Variants in TRIM10 observed in about 807,000 individuals in gnomAD.
TRIM10 encodes the protein tripartite motif containing 10.
In TRIM10, 42 loss-of-function variants were observed where a neutral mutation model predicts 40.0. The observed-to-expected ratio is 1.05, with a 90% confidence interval of 0.82 to 1.36. The LOEUF is 1.36. Ranked by LOEUF, TRIM10 falls within the 40% of genes most tolerant of loss-of-function variation. The pLI is 0.00. For synonymous variants in TRIM10, 260 were observed against 239.5 expected (o/e 1.09, Z -0.79); for missense variants, 601 against 608.3 (o/e 0.99, Z 0.13).
chr6:30,162,401 T>A (rs1581586573), upstream of TRIM10, among the ~76,000 whole-genome samples: 1 of 133,098 alleles, frequency 7.5e-6, no homozygotes, highest in East Asian at 1.9e-4. Context: ...AGTAGACACA[T>A]GTGGCTGGTG....
chr6:30,152,360 T>C lies in TRIM10; in HGVS notation c.*1609A>G, dbSNP rs1425833618. ...AATAAACAAAAATAGGATCTACTTT[T>C]CTGGAATCACAGGTTTGGGTGCTTT... is the stretch of plus-strand genomic sequence containing the variant. On this transcript the variant is annotated 3_prime_UTR_variant, in exon 7 of 7. Transcript: ENST00000449742. The C allele has an allele frequency of 6.6e-6, 1 of 152,272 alleles. No individual in the cohort carries two copies. Among genetic ancestry groups the C allele is most frequent in the Non-Finnish European group, 1.5e-5 (1 of 68,056 alleles). The allele number at this position is 152,272 out of a possible 1,614,324, so 9.4% of individuals were successfully genotyped here.
chr6:30,162,797 T>C (rs1362993770), upstream of TRIM10, among the ~76,000 whole-genome samples: 1 of 152,134 alleles, frequency 6.6e-6, no homozygotes, highest in Admixed American at 6.5e-5. Context: ...GTTATTAAAA[T>C]TGAATGTAGT....
At chr6:30,156,207 C>T (rs1277727123) in intron 5 of TRIM10, among the ~76,000 whole-genome samples, 1 of 152,108 alleles carries the variant, frequency 6.6e-6, no homozygotes, top group Non-Finnish European at 1.5e-5. Flanking sequence ...AAAGGTCAGC[C>T]TTTGATTAGA....
chr6:30,154,533 C>T (rs1177057666), intron 6 of TRIM10, 47 bp from the exon 7 acceptor site: 2 of 1,594,224 alleles, frequency 1.3e-6, no homozygotes, highest in Non-Finnish European at 8.5e-7. Context: ...CATGCTATTA[C>T]CTCCAAGGAA....
At chr6:30,161,425 TGGCCTGCTGCAGGCCTCAAAAGA>T (rs1315533388), upstream of TRIM10, among the ~76,000 whole-genome samples, 1 of 152,198 alleles carries the variant, frequency 6.6e-6, no homozygotes, top group African/African-American at 2.4e-5. Context: ...ATGCCTCAAC[TGGCCTGCTGCAGGCCTCAAAAGA>T]GGCTGGAATA....
chr6:30,154,256 C>T lies in TRIM10; in HGVS notation c.1159G>A (p.Asp387Asn). The T allele has an allele frequency of 6.2e-7, 1 of 1,613,064 alleles. No individual in the cohort carries two copies. The highest frequency in any genetic ancestry group is 1.1e-5 in the South Asian group (1 of 91,072). Residue 387 changes from aspartate (D) to asparagine (N), a missense_variant, in exon 7 of 7, where the codon GAT becomes AAT. By Grantham distance (23) the Asp-to-Asn change is conservative (BLOSUM62 1). Coordinates refer to ENST00000449742, the MANE Select transcript of TRIM10 (RefSeq NM_006778.4). ...CGAAGCTCCCCCTTCCGCTGCACAT[C>T]CTCGCTCACCACGCCCACGGTGCAG... is the stretch of plus-strand genomic sequence containing the variant. ...GSCTVGVVSE[D>N]VQRKGELRLR... is the part of the protein sequence containing the mutation.
Position 30,158,422 on chromosome 6 carries a change from T to C in TRIM10, c.733A>G (p.Arg245Gly). Residue 245 changes from arginine (R) to glycine (G), a missense_variant, in exon 3 of 7, where the codon AGG (arginine) becomes GGG (glycine). Transcript: ENST00000449742. Reference protein sequence around the residue: ...LIEELEEKNERPARELLTDIR... With the variant: ...LIEELEEKNEGPARELLTDIR... The stretch of plus-strand genomic sequence containing the variant: ...ACCGTCAGGAGCTCCCTTGCTGGCC[T>C]CTCATTCTTCTCCTCCAGTTCTTCA... The C allele has an allele frequency of 4.3e-6, 7 of 1,612,990 alleles. No homozygotes were observed. The highest frequency in any genetic ancestry group is 5.9e-6 in the Non-Finnish European group (7 of 1,179,994).
chr6:30,163,177 C>T (rs1773271985), upstream of TRIM10: 2 of 159,204 alleles, frequency 1.3e-5, no homozygotes, highest in South Asian at 3.7e-4. Context: ...CAGAATCTCC[C>T]GAAGTCCACA....
intron 5 of TRIM10, among the ~76,000 whole-genome samples, chr6:30,156,010 C>T (rs1372611176): frequency 1.3e-5 from 2 of 152,196 alleles, no homozygotes; most frequent in East Asian, 1.9e-4. Context: ...CTGGGCAATG[C>T]AGCTGCTGCT....
chr6:30,156,635 A>C (rs185731050), intron 5 of TRIM10: 2 of 419,808 alleles, frequency 4.8e-6, no homozygotes, highest in Non-Finnish European at 8.7e-6. Context: ...TTTTTAACTT[A>C]TTAAGAATGA....
upstream of TRIM10, among the ~76,000 whole-genome samples, chr6:30,161,986 G>T (rs2127448898): frequency 6.6e-6 from 1 of 152,192 alleles, no homozygotes; most frequent in South Asian, 2.1e-4. Flanking sequence ...TTTGAAATCC[G>T]GTGTGTTGGC....
At chr6:30,159,378 G>T in intron 1 of TRIM10, 133 bp from the exon 2 acceptor site, 1 of 636,208 alleles carries the variant, frequency 1.6e-6, no homozygotes, top group East Asian at 2.7e-5. Flanking sequence ...CAATCCCCGA[G>T]CCTTCACCAC....
chr6:30,152,789 C>T lies in TRIM10; in HGVS notation c.*1180G>A, dbSNP rs1317355827. 1.3e-5 allele frequency: 2 copies of T among 152,214 alleles called. No individual in the cohort carries two copies. Among genetic ancestry groups the T allele is most frequent in the African/African-American group, 4.8e-5 (2 of 41,450 alleles). 9.4% of individuals were successfully genotyped at this position (152,214 alleles called of 1,614,324 possible). A position where few individuals can be genotyped will look rare whatever the true frequency, so the allele number is the denominator to read the frequency against. Reference sequence around the variant, plus strand: ...AAGAAAATAAAACATGGTCACTCTTCCATCCCATTTCTCAGATGTCACTAC... The same window carrying T: ...AAGAAAATAAAACATGGTCACTCTTTCATCCCATTTCTCAGATGTCACTAC... On this transcript the variant is annotated 3_prime_UTR_variant, in exon 7 of 7. Coordinates refer to ENST00000449742, the MANE Select transcript of TRIM10 (RefSeq NM_006778.4).
chr6:30,158,317 A>G, intron 3 of TRIM10, 82 bp downstream of exon 3: 2 of 1,183,706 alleles, frequency 1.7e-6, no homozygotes, highest in East Asian at 2.3e-5. Flanking sequence ...TGTGTGAGTC[A>G]GGGAGACATG....
Position 30,153,610 on chromosome 6 carries a change from C to A in TRIM10, c.*359G>T. The stretch of plus-strand genomic sequence containing the variant: ...AAACAAGATGAAAAGAGGTGAGATG[C>A]CTTGTTTAAAGTCATACAACTGGTT... On this transcript the variant is annotated 3_prime_UTR_variant, in exon 7 of 7. Coordinates refer to ENST00000449742, the MANE Select transcript of TRIM10 (RefSeq NM_006778.4). The A allele has an allele frequency of 8.5e-7, 1 of 1,178,750 alleles. No individual in the cohort carries two copies. Among genetic ancestry groups the A allele is most frequent in the South Asian group, 1.3e-5 (1 of 76,654 alleles). The allele number at this position is 1,178,750 out of a possible 1,614,324, so 73.0% of individuals were successfully genotyped here. A position where few individuals can be genotyped will look rare whatever the true frequency, so the allele number is the denominator to read the frequency against.
chr6:30,161,355 TG>T (rs1260482074), upstream of TRIM10, among the ~76,000 whole-genome samples: 1 of 152,050 alleles, frequency 6.6e-6, no homozygotes, highest in East Asian at 1.9e-4. Flanking sequence ...CAGGAGAGTG[TG>T]GGGGCTCAGA....
Position 30,152,378 on chromosome 6 carries a change from G to A in TRIM10, c.*1591C>T, listed in dbSNP as rs1479860020. On this transcript the variant is annotated 3_prime_UTR_variant, in exon 7 of 7. Transcript: ENST00000449742. ...CTACTTTTCTGGAATCACAGGTTTG[G>A]GTGCTTTGGATATGTTTTATCATTA... 6.6e-6 allele frequency: 1 copy of A among 152,094 alleles called. No individual in the cohort carries two copies. Among genetic ancestry groups the A allele is most frequent in the African/African-American group, 2.4e-5 (1 of 41,398 alleles). The allele number at this position is 152,094 out of a possible 1,614,324, so 9.4% of individuals were successfully genotyped here. A position where few individuals can be genotyped will look rare whatever the true frequency, so the allele number is the denominator to read the frequency against.
intron 4 of TRIM10, 71 bp from the exon 5 acceptor site, chr6:30,157,125 C>G: frequency 6.9e-7 from 1 of 1,455,310 alleles, no homozygotes; most frequent in South Asian, 1.2e-5. Flanking sequence ...AGCTGGTCAT[C>G]TTCTAATAGG....
In TRIM10 at chr6:30,153,640, G is replaced by T; in HGVS notation, c.*329C>A. ...TTTAAAGTCATACAACTGGTTGACAGGCTGGTTCAAGAACCCAGGTCTTCT... is the reference window on the plus strand; with the variant it reads ...TTTAAAGTCATACAACTGGTTGACATGCTGGTTCAAGAACCCAGGTCTTCT... On this transcript the variant is annotated 3_prime_UTR_variant, in exon 7 of 7. Coordinates refer to ENST00000449742, the MANE Select transcript of TRIM10 (RefSeq NM_006778.4). The T allele has an allele frequency of 1.3e-6, 2 of 1,522,826 alleles. No individual in the cohort carries two copies. Among genetic ancestry groups the T allele is most frequent in the Non-Finnish European group, 1.8e-6 (2 of 1,110,542 alleles). The allele number at this position is 1,522,826 out of a possible 1,614,324, so 94.3% of individuals were successfully genotyped here. A position where few individuals can be genotyped will look rare whatever the true frequency, so the allele number is the denominator to read the frequency against.
Sources: gnomAD v4.1 joint callset for allele counts (sites outside exome capture counted in the v4.1 genomes callset) on GRCh38, gnomAD v4.1.1 for gene constraint, MANE v1.5 for transcripts, NCBI Gene and HGNC (gene_info 2026-07-23, HGNC 2026-07-21) for gene names.